SNX13: variants seen among roughly 807,000 people sequenced by gnomAD.
The protein encoded by SNX13 is sorting nexin 13.
A neutral mutation model predicts 133.6 loss-of-function variants in SNX13; 45 were observed. The observed-to-expected ratio is 0.34, with a 90% CI of 0.27 to 0.43. The LOEUF (loss-of-function observed/expected upper bound fraction) is 0.43, where lower values mean the gene tolerates loss of function less well. Ranked by LOEUF, SNX13 falls within the 20% of genes least tolerant of loss-of-function variation. The pLI is 1.00. For synonymous variants in SNX13, 414 were observed against 373.9 expected, an observed-to-expected ratio of 1.11 and a Z score of -1.24; for missense variants, 1,032 against 1,145.1, an observed-to-expected ratio of 0.90 and a Z score of 1.43.
At chr7:17,859,509 C>A (rs956383757) in intron 9 of SNX13, among the ~76,000 whole-genome samples, 1 of 152,092 alleles carries the variant, frequency 6.6e-6, no homozygotes, top group Non-Finnish European at 1.5e-5. Context: ...ACAATTTGTT[C>A]ATTTCATTCT....
chr7:17,850,855 T>C lies in SNX13; in HGVS notation c.947A>G (p.Tyr316Cys). ...VRDKAAEELQ[Y>C]LRSLDTAGDD... Reference sequence around the variant, plus strand: ...ACCAGCTGTATCTAGAGATCTAAGATACTGTAATTCTTCTGCTGCCTTATC... The same window carrying C: ...ACCAGCTGTATCTAGAGATCTAAGACACTGTAATTCTTCTGCTGCCTTATC... The change falls in exon 10 of 26, where the codon TAT becomes TGT. Residue 316 changes from tyrosine (Y) to cysteine (C), a missense_variant. Tyr to Cys is a radical substitution (Grantham distance 194). Coordinates refer to ENST00000428135, the MANE Select transcript of SNX13 (RefSeq NM_015132.5). 1.2e-6 allele frequency: 2 copies of C among 1,609,754 alleles called. No individual in the cohort carries two copies. Among genetic ancestry groups the C allele is most frequent in the Non-Finnish European group, 8.5e-7 (1 of 1,178,360 alleles).
chr7:17,803,205 C>A (rs1784827550), intron 21 of SNX13, among the ~76,000 whole-genome samples: 1 of 152,084 alleles, frequency 6.6e-6, no homozygotes, highest in Non-Finnish European at 1.5e-5. Context: ...TAAAACCCTA[C>A]CACAGCAGAG....
intron 17 of SNX13, 40 bp downstream of exon 17, chr7:17,825,982 C>T: frequency 7.6e-7 from 1 of 1,310,124 alleles, no homozygotes; most frequent in Non-Finnish European, 1.0e-6. Context: ...TATAATAATA[C>T]ATAGTTTTAA....
intron 17 of SNX13, among the ~76,000 whole-genome samples, chr7:17,824,821 GT>G (rs1274588148): frequency 6.6e-6 from 1 of 150,538 alleles, no homozygotes; most frequent in Non-Finnish European, 1.5e-5. Context: ...CCAGGCTAAA[GT>G]GCAGTGGTGT....
chr7:17,858,156 T>G (rs1792162947), intron 9 of SNX13, among the ~76,000 whole-genome samples: 1 of 152,120 alleles, frequency 6.6e-6, no homozygotes, highest in South Asian at 2.1e-4. Context: ...TTATTCAGCC[T>G]AGTACTAGAA....
Position 17,868,487 on chromosome 7 carries a change from T to A in SNX13, c.757A>T (p.Ile253Phe). ...NKIMRYFVRE[I>F]LARGILLPLI... ...GGAAGAAGAATTCCTCGTGCAAGGA[T>A]TTCCTGAAAAAAAAGTAAATAACAA... The change falls in exon 9 of 26, where the codon ATC (isoleucine) becomes TTC (phenylalanine). Residue 253 changes from isoleucine to phenylalanine, a missense_variant. Ile to Phe is a conservative substitution (Grantham distance 21, BLOSUM62 0). Coordinates refer to ENST00000428135, the MANE Select transcript of SNX13 (RefSeq NM_015132.5). The A allele has an allele frequency of 6.2e-7, 1 of 1,601,098 alleles. No homozygotes were observed. The highest frequency in any genetic ancestry group is 8.5e-7 in the Non-Finnish European group (1 of 1,175,044).
At chr7:17,896,191 A>C (rs1483669104) in intron 2 of SNX13, among the ~76,000 whole-genome samples, 1 of 152,186 alleles carries the variant, frequency 6.6e-6, no homozygotes, top group Non-Finnish European at 1.5e-5. Flanking sequence ...TTTATCATCA[A>C]TAAAGATATT....
intron 1 of SNX13, among the ~76,000 whole-genome samples, chr7:17,906,885 A>AAAAT (rs1447621147): frequency 4.6e-5 from 7 of 152,120 alleles, no homozygotes; most frequent in Non-Finnish European, 8.8e-5. Flanking sequence ...TGATTCAACA[A>AAAAT]AAATAAATAA....
At position 17,793,846 on chromosome 7, in the gene SNX13, A is replaced by G; in HGVS notation, c.*199T>C. ...TTGCAAAATATGCACCAAATCATTT[A>G]AGACACAGAAATCTCTCTTGGTAGT... On this transcript the variant is annotated 3_prime_UTR_variant, in exon 26 of 26. Transcript: ENST00000428135. 1 of 553,538 alleles carries G rather than the reference A, an allele frequency of 1.8e-6. No homozygotes were observed. Among genetic ancestry groups the G allele is most frequent in the Non-Finnish European group, 2.9e-6 (1 of 339,522 alleles). The allele number at this position is 553,538 out of a possible 1,614,324, so 34.3% of individuals were successfully genotyped here. A position where few individuals can be genotyped will look rare whatever the true frequency, so the allele number is the denominator to read the frequency against.
chr7:17,861,682 G>A (rs1562794653), intron 9 of SNX13, among the ~76,000 whole-genome samples: 1 of 152,178 alleles, frequency 6.6e-6, no homozygotes, highest in African/African-American at 2.4e-5. Flanking sequence ...TAAACACACT[G>A]TGTGTGCTCA....
intron 5 of SNX13, among the ~76,000 whole-genome samples, chr7:17,883,668 T>A (rs1583613917): frequency 6.6e-6 from 1 of 152,086 alleles, no homozygotes; most frequent in South Asian, 2.1e-4. Context: ...CCCATCAACC[T>A]GTCACCTACA....
intron 12 of SNX13, among the ~76,000 whole-genome samples, chr7:17,841,818 T>G (rs1789941961): frequency 6.6e-6 from 1 of 151,594 alleles, no homozygotes; most frequent in Admixed American, 6.6e-5. Context: ...ACAGAAAACC[T>G]AGAAGAAACC....
At chr7:17,893,718 T>G (rs550246411) in intron 2 of SNX13, among the ~76,000 whole-genome samples, 10 of 152,308 alleles carry the variant, frequency 6.6e-5, no homozygotes, top group Admixed American at 5.2e-4. Flanking sequence ...CTCATGCCTG[T>G]AATCCCAGCA....
intron 5 of SNX13, among the ~76,000 whole-genome samples, chr7:17,887,111 G>A (rs991415933): frequency 6.6e-6 from 1 of 152,158 alleles, no homozygotes; most frequent in Admixed American, 6.5e-5. Flanking sequence ...ACAGAGTCAA[G>A]TGATTTGCTA....
chr7:17,838,103 A>T (rs1035849770), intron 13 of SNX13, among the ~76,000 whole-genome samples: 2 of 151,960 alleles, frequency 1.3e-5, no homozygotes, highest in African/African-American at 2.4e-5. Flanking sequence ...TCCTATACTT[A>T]AAAAAATATG....
Position 17,801,571 on chromosome 7 carries a change from G to T in SNX13, c.2298+17C>A. 1 of 1,591,652 alleles carries T rather than the reference G, an allele frequency of 6.3e-7. No homozygotes were observed. Among genetic ancestry groups the T allele is most frequent in the Non-Finnish European group, 8.6e-7 (1 of 1,166,880 alleles). On this transcript the variant is annotated intron_variant, in intron 22 of 25. Coordinates refer to ENST00000428135, the MANE Select transcript of SNX13 (RefSeq NM_015132.5). ...TATGACTTAAACTAAATACTACCAA[G>T]AATAAAATTAACTCACATTATCGTC...
rs531884304 is a variant in SNX13, at chr7:17,841,265, G to C, written c.1166-1265C>G. On this transcript the variant is annotated intron_variant, in intron 12 of 25. Coordinates refer to ENST00000428135, the MANE Select transcript of SNX13 (RefSeq NM_015132.5). ...CACCCTTTCTCCCTTGACTCCTACA[G>C]TTTTACCTTTATCTCCCTTTGGGAG... is the stretch of plus-strand genomic sequence containing the variant. Among the ~76,000 whole-genome samples, 41 of 152,100 alleles carry C rather than the reference G, an allele frequency of 2.7e-4. No individual in the cohort carries two copies. In the South Asian group the frequency reaches 6.0e-3, roughly 22 times the overall value.
At chr7:17,937,010 TA>T (rs1271384265) in intron 1 of SNX13, among the ~76,000 whole-genome samples, 40 of 63,882 alleles carry the variant, frequency 6.3e-4, no homozygotes, top group Non-Finnish European at 4.6e-4. Context: ...TTAAAAAAAA[TA>T]AAATAAAATA....
At chr7:17,867,696 T>C (rs548708064) in intron 9 of SNX13, among the ~76,000 whole-genome samples, 1 of 151,868 alleles carries the variant, frequency 6.6e-6, no homozygotes, top group Non-Finnish European at 1.5e-5. Context: ...AATCAAGTAA[T>C]TCTTTCTTAA....
Sources: gnomAD v4.1 joint callset for allele counts (sites outside exome capture counted in the v4.1 genomes callset) on GRCh38, gnomAD v4.1.1 for gene constraint, MANE v1.5 for transcripts, NCBI Gene and HGNC (gene_info 2026-07-23, HGNC 2026-07-21) for gene names.